The following FAM131C variants were observed in gnomAD, a reference collection of about 807,000 sequenced individuals.
The protein encoded by FAM131C is protein FAM131C.
In FAM131C, 14 loss-of-function variants were observed where a neutral mutation model predicts 29.8. The ratio of observed to expected loss-of-function variants is 0.47; its 90% confidence interval spans 0.31 to 0.73. The LOEUF (loss-of-function observed/expected upper bound fraction) is 0.73, where lower values mean the gene tolerates loss of function less well. Among genes scored for constraint, FAM131C ranks in the 30% least tolerant of loss-of-function variants. The pLI, the probability that FAM131C is intolerant of heterozygous loss-of-function variation, is 0.05. For synonymous variants in FAM131C, 86 were observed against 157.8 expected (o/e 0.54, Z 3.41); for missense variants, 252 against 383.8 (o/e 0.66, Z 2.87).
chr1:16,066,435 A>G (rs2124132321), intron 1 of FAM131C, among the ~76,000 whole-genome samples: 1 of 152,288 alleles, frequency 6.6e-6, no homozygotes, highest in South Asian at 2.1e-4. Context: ...CACTCAGCTC[A>G]TCTTGTTCTT....
chr1:16,063,688 T>C (rs370947547), intron 1 of FAM131C, 52 bp from the exon 2 acceptor site: 2 of 1,303,058 alleles, frequency 1.5e-6, no homozygotes, highest in African/African-American at 3.0e-5. Flanking sequence ...CCTCTCTTGC[T>C]TACAAAGCAT....
intron 1 of FAM131C, among the ~76,000 whole-genome samples, chr1:16,068,689 G>C (rs990054599): frequency 1.3e-5 from 2 of 152,176 alleles, no homozygotes; most frequent in Non-Finnish European, 2.9e-5. Flanking sequence ...TCAGCTCAGA[G>C]CTATCCAAGG....
At chr1:16,060,652 T>G (rs1021886612) in intron 4 of FAM131C, among the ~76,000 whole-genome samples, 1 of 152,054 alleles carries the variant, frequency 6.6e-6, no homozygotes, top group East Asian at 1.9e-4. Flanking sequence ...ATTTCAAAGA[T>G]GAGAAGAGGA....
intron 1 of FAM131C, among the ~76,000 whole-genome samples, chr1:16,072,711 C>T (rs1050333748): frequency 2.0e-5 from 3 of 152,114 alleles, no homozygotes; most frequent in Non-Finnish European, 2.9e-5. Flanking sequence ...AGGCTGGGGC[C>T]TGCCCTGGGC....
At chr1:16,066,590 C>A (rs1028505014) in intron 1 of FAM131C, among the ~76,000 whole-genome samples, 2 of 152,084 alleles carry the variant, frequency 1.3e-5, no homozygotes, top group East Asian at 3.8e-4. Flanking sequence ...GGTCATGCAG[C>A]CGTTTATTAA....
intron 1 of FAM131C, among the ~76,000 whole-genome samples, chr1:16,068,807 T>G (rs929220432): frequency 6.6e-6 from 1 of 152,130 alleles, no homozygotes; most frequent in Non-Finnish European, 1.5e-5. Context: ...CTCCCTCCCA[T>G]CCTGTGACCT....
At chr1:16,063,683 C>G (rs755916524) in intron 1 of FAM131C, 47 bp from the exon 2 acceptor site, 2 of 1,361,808 alleles carry the variant, frequency 1.5e-6, no homozygotes, top group Non-Finnish European at 2.0e-6. Flanking sequence ...CCAGCCCTCT[C>G]TTGCTTACAA....
chr1:16,071,255 G>C (rs2023746008), intron 1 of FAM131C, among the ~76,000 whole-genome samples: 2 of 152,246 alleles, frequency 1.3e-5, no homozygotes, highest in Non-Finnish European at 2.9e-5. Context: ...AGGGCTGGCT[G>C]TGAGTGCAGA....
intron 4 of FAM131C, 151 bp downstream of exon 4, chr1:16,061,948 A>G: frequency 4.0e-6 from 3 of 742,648 alleles, no homozygotes; most frequent in Non-Finnish European, 6.4e-6. Flanking sequence ...TGACCCGCAT[A>G]ACCCAGCATG....
In FAM131C at chr1:16,063,579, T is replaced by C; in HGVS notation, c.80A>G (p.Asn27Ser). ...AGTGCGGCCCGAGGGCAGATCTGGGTTCAAGGGGTCCGCACCCTGGGGCAT... is the reference window on the plus strand; with the variant it reads ...AGTGCGGCCCGAGGGCAGATCTGGGCTCAAGGGGTCCGCACCCTGGGGCAT... ...CPMPQGADPLNPDLPSGRTPT... is the reference protein window; with the variant it reads ...CPMPQGADPLSPDLPSGRTPT... The change falls in exon 2 of 7, where the codon AAC becomes AGC. Residue 27 changes from asparagine to serine, a missense_variant. Physicochemically the swap from Asn to Ser is conservative, Grantham distance 46. This residue lies in a region of FAM131C where 76 missense variants were observed against 62.8 expected (regional missense o/e 1.21). Transcript: ENST00000375662. The C allele has an allele frequency of 6.2e-7, 1 of 1,613,808 alleles. No homozygotes were observed. Among genetic ancestry groups the C allele is most frequent in the Non-Finnish European group, 8.5e-7 (1 of 1,179,852 alleles).
At chr1:16,065,451 C>A (rs1450020446) in intron 1 of FAM131C, among the ~76,000 whole-genome samples, 1 of 152,224 alleles carries the variant, frequency 6.6e-6, no homozygotes, top group Non-Finnish European at 1.5e-5. Context: ...TGCTCTAGGC[C>A]AGATTGTGTC....
intron 5 of FAM131C, 121 bp from the exon 6 acceptor site, chr1:16,059,725 C>T (rs1357538173): frequency 1.2e-5 from 7 of 595,566 alleles, no homozygotes; most frequent in Non-Finnish European, 1.4e-5. Context: ...ATCCACACCC[C>T]AGTGGTCAAG....
In FAM131C at chr1:16,073,425, C is replaced by T. The variant is rs1161622024; in HGVS notation, c.18G>A (p.Ser6=). MGSCV[S]RDLFTSAHKN... is the part of the protein sequence containing the mutation. ...CCCCCGGCCGGGCCCCCTCACCTCG[C>T]GACACGCAGGAGCCCATCACGGGGC... Residue 6 remains serine (S), a synonymous_variant, in exon 1 of 7, where the codon TCG becomes TCA. Transcript: ENST00000375662. 3.3e-6 allele frequency: 4 copies of T among 1,212,294 alleles called. No homozygotes were observed. In the African/African-American group the frequency reaches 4.7e-5, roughly 14 times the overall value. 75.1% of individuals were successfully genotyped at this position (1,212,294 alleles called of 1,614,324 possible).
chr1:16,067,171 G>A (rs918694620), intron 1 of FAM131C, among the ~76,000 whole-genome samples: 1 of 152,172 alleles, frequency 6.6e-6, no homozygotes, highest in Non-Finnish European at 1.5e-5. Context: ...CTCAGTTGGG[G>A]TTCAGGTGCC....
chr1:16,065,783 A>G (rs921307524), intron 1 of FAM131C, among the ~76,000 whole-genome samples: 6 of 152,178 alleles, frequency 3.9e-5, no homozygotes, highest in African/African-American at 1.4e-4. Context: ...CTCTCGCTCC[A>G]TTCCCTACTG....
rs570796564 is a variant in FAM131C, at chr1:16,072,634, C to A, written c.22+787G>T. 2.6e-5 allele frequency among the ~76,000 whole-genome samples: 4 copies of A among 152,170 alleles called. No individual in the cohort carries two copies. The East Asian group carries it at 7.7e-4, about 29-fold the overall frequency. On this transcript the variant is annotated intron_variant, in intron 1 of 6. Transcript: ENST00000375662. ...GGGTGGGGGTGGAGGTAGGGGGCTC[C>A]AAAGACCAAACTGCCCATCCCCCAA... is the stretch of plus-strand genomic sequence containing the variant.
At position 16,073,459 on chromosome 1, in the gene FAM131C, CG is replaced by C; in HGVS notation, c.-18del. 8.3e-7 allele frequency: 1 copy of C among 1,201,800 alleles called. No individual in the cohort carries two copies. Among genetic ancestry groups the C allele is most frequent in the Non-Finnish European group, 1.0e-6 (1 of 967,934 alleles). 74.4% of individuals were successfully genotyped at this position (1,201,800 alleles called of 1,614,324 possible). ...GGAGCCCATCACGGGGCCGCGGGGC[CG>C]GGCCGCTGCGCCCGGGGTGCGTGGG... On this transcript the variant is annotated 5_prime_UTR_variant, in exon 1 of 7. Coordinates refer to ENST00000375662, the MANE Select transcript of FAM131C (RefSeq NM_182623.3).
chr1:16,058,911 G>A (rs1332289972), intron 6 of FAM131C, among the ~76,000 whole-genome samples, 194 bp from the exon 7 acceptor site: 1 of 152,260 alleles, frequency 6.6e-6, no homozygotes, highest in African/African-American at 2.4e-5. Flanking sequence ...AAACGGAGGA[G>A]TTAAGAGTGG....
At chr1:16,064,100 C>A (rs1263328711) in intron 1 of FAM131C, among the ~76,000 whole-genome samples, 1 of 152,084 alleles carries the variant, frequency 6.6e-6, no homozygotes, top group Non-Finnish European at 1.5e-5. Flanking sequence ...GAGAAAGTGA[C>A]CGCTGCATGC....
Sources: gnomAD v4.1 joint callset for allele counts (sites outside exome capture counted in the v4.1 genomes callset) on GRCh38, gnomAD v4.1.1 for gene constraint, gnomAD v4.1.1 regional missense constraint, MANE v1.5 for transcripts, NCBI Gene and HGNC (gene_info 2026-07-23, HGNC 2026-07-21) for gene names.